The following ROCK2 variants were observed in gnomAD, a reference collection of about 807,000 sequenced individuals.
ROCK2 encodes Rho associated coiled-coil containing protein kinase 2, also known as rho-associated protein kinase 2.
In ROCK2, 61 loss-of-function variants were observed where a neutral mutation model predicts 195.1. The ratio of observed to expected loss-of-function variants is 0.31; its 90% CI spans 0.25 to 0.39. The LOEUF (loss-of-function observed/expected upper bound fraction) is 0.39. Among genes scored for constraint, ROCK2 ranks in the 10% least tolerant of loss-of-function variants. The pLI, the probability that ROCK2 is intolerant of heterozygous loss-of-function variation, is 1.00. For missense variants in ROCK2, 1,109 were observed against 1,637.4 expected (o/e 0.68, Z 5.57); for synonymous variants, 504 against 545.5 (o/e 0.92, Z 1.06).
At chr2:11,336,876 T>C (rs1399551722) in intron 1 of ROCK2, among the ~76,000 whole-genome samples, 2 of 152,134 alleles carry the variant, frequency 1.3e-5, no homozygotes, top group Non-Finnish European at 2.9e-5. Flanking sequence ...CAAAGGAGAA[T>C]ATCTTCACGA....
intron 3 of ROCK2, among the ~76,000 whole-genome samples, chr2:11,279,816 A>G (rs975773494): frequency 6.6e-6 from 1 of 152,260 alleles, no homozygotes; most frequent in Admixed American, 6.5e-5. Flanking sequence ...TCAAATAGAA[A>G]TCATACTGTG....
chr2:11,301,960 C>CA lies in ROCK2; in HGVS notation c.142-14225dup, dbSNP rs374221213. ...AGCTGGGATTACAGGCACCCACCACCACGCCCTGCTTATTTTTGTACTTTT... is the reference window on the plus strand; with the variant it reads ...AGCTGGGATTACAGGCACCCACCACCAACGCCCTGCTTATTTTTGTACTTTT... On this transcript the variant is annotated intron_variant, in intron 1 of 32. Coordinates refer to ENST00000315872, the MANE Select transcript of ROCK2 (RefSeq NM_004850.5). Among the ~76,000 whole-genome samples the CA allele has an allele frequency of 4.2e-3, 624 of 150,028 alleles. 3 individuals are homozygous for CA. The highest frequency in any genetic ancestry group is 0.014 in the African/African-American group (563 of 40,912).
Position 11,193,803 on chromosome 2 carries a change from A to T in ROCK2, c.3663T>A (p.Ala1221=). The change falls in exon 30 of 33, where the codon GCT becomes GCA. Residue 1221 remains alanine, a synonymous_variant. Coordinates refer to ENST00000315872, the MANE Select transcript of ROCK2 (RefSeq NM_004850.5). The stretch of plus-strand genomic sequence containing the variant: ...CCTGGAATATCCTTGGAATTTCTTT[A>T]GCATCTGCTCTATACACATCTGTCT... The part of the protein sequence containing the change: ...VTQTDVYRAD[A]KEIPRIFQIL... The T allele has an allele frequency of 6.3e-7, 1 of 1,595,038 alleles. No homozygotes were observed. The highest frequency in any genetic ancestry group is 1.1e-5 in the South Asian group (1 of 88,050).
chr2:11,251,944 A>C (rs1665843558), intron 3 of ROCK2, among the ~76,000 whole-genome samples: 1 of 152,228 alleles, frequency 6.6e-6, no homozygotes, highest in Admixed American at 6.5e-5. Context: ...GAGAAATGCA[A>C]ATCAAAACCA....
At chr2:11,315,690 A>T (rs974659133) in intron 1 of ROCK2, among the ~76,000 whole-genome samples, 2 of 152,160 alleles carry the variant, frequency 1.3e-5, no homozygotes, top group African/African-American at 4.8e-5. Flanking sequence ...TTCAAAACAT[A>T]GTGAAAAAAC....
chr2:11,196,362 A>C (rs1027194892), intron 27 of ROCK2, among the ~76,000 whole-genome samples: 1 of 152,206 alleles, frequency 6.6e-6, no homozygotes, highest in Non-Finnish European at 1.5e-5. Context: ...TTTCTGTACC[A>C]CCACTCTTGT....
chr2:11,196,851 T>G (rs1663656178), intron 27 of ROCK2, among the ~76,000 whole-genome samples: 1 of 152,104 alleles, frequency 6.6e-6, no homozygotes, highest in Non-Finnish European at 1.5e-5. Context: ...AGTGTGTGAC[T>G]GAGTGATATG....
intron 3 of ROCK2, among the ~76,000 whole-genome samples, chr2:11,253,015 C>CT (rs67439809): frequency 0.77 from 115,578 of 149,746 alleles, 45,450 homozygotes; most frequent in East Asian, 0.94. Flanking sequence ...AGAATCTATA[C>CT]TATTTCTACA....
intron 10 of ROCK2, among the ~76,000 whole-genome samples, 187 bp downstream of exon 10, chr2:11,218,779 A>G (rs1664520098): frequency 6.6e-6 from 1 of 152,232 alleles, no homozygotes; most frequent in Non-Finnish European, 1.5e-5. Flanking sequence ...ACTAGCCATC[A>G]TGTCTTGAAT....
rs775472104 is a variant in ROCK2 at position 11,207,794 on chromosome 2, T to C, written c.2481A>G (p.Leu827=). ...CCATGAGATGGTTATTTTCTTGCTT[T>C]AACTGCTTTTCTGACATTTTTAGTG... The part of the protein sequence containing the change: ...VNTLKMSEKQ[L]KQENNHLMEM... Residue 827 remains leucine, a synonymous_variant, in exon 20 of 33, where the codon TTA becomes TTG. Transcript: ENST00000315872. The C allele has an allele frequency of 1.2e-6, 2 of 1,612,922 alleles. No homozygotes were observed. The highest frequency in any genetic ancestry group is 2.2e-5 in the South Asian group (2 of 90,940).
intron 3 of ROCK2, among the ~76,000 whole-genome samples, chr2:11,282,134 T>G (rs1667026367): frequency 6.6e-6 from 1 of 152,126 alleles, no homozygotes; most frequent in African/African-American, 2.4e-5. Context: ...GTAGATCGCT[T>G]GAGCCCAGGA....
intron 3 of ROCK2, among the ~76,000 whole-genome samples, chr2:11,271,218 T>C (rs1234802525): frequency 6.6e-6 from 1 of 152,214 alleles, no homozygotes; most frequent in Non-Finnish European, 1.5e-5. Context: ...TTCAAAATGT[T>C]CCTTTCCCTT....
intron 3 of ROCK2, among the ~76,000 whole-genome samples, chr2:11,283,599 G>GAAAGAAAGAAAAC (rs1667091708): frequency 2.3e-5 from 2 of 87,512 alleles, no homozygotes; most frequent in South Asian, 8.9e-4. Context: ...AGAAAGAAAA[G>GAAAGAAAGAAAAC]AAAAAAAGGA....
In ROCK2 at chr2:11,344,453, GAGC is replaced by G; in HGVS notation, c.-320_-318del. On this transcript the variant is annotated 5_prime_UTR_variant, in exon 1 of 33. Transcript: ENST00000315872. The surrounding 1 kb of genome is among the most constrained non-coding windows in gnomAD (Gnocchi z 5.4). ...AGTGCCCGCAGGAGTCCTCGGGCGG[GAGC>G]AGGGAAGTGGCGCCGCCACCGCCGC... 2 of 1,023,002 alleles carry G rather than the reference GAGC, an allele frequency of 2.0e-6. No homozygotes were observed. Among genetic ancestry groups the G allele is most frequent in the Admixed American group, 5.8e-5 (1 of 17,198 alleles). 63.4% of individuals were successfully genotyped at this position (1,023,002 alleles called of 1,614,324 possible).
chr2:11,208,062 T>C (rs1355752122), intron 19 of ROCK2, 152 bp from the exon 20 acceptor site: 2 of 440,542 alleles, frequency 4.5e-6, no homozygotes, highest in African/African-American at 2.0e-5. Context: ...GTATTTCTAA[T>C]AATATTATAA....
chr2:11,251,025 G>A (rs1251033983), intron 3 of ROCK2, among the ~76,000 whole-genome samples: 1 of 152,074 alleles, frequency 6.6e-6, no homozygotes, highest in Non-Finnish European at 1.5e-5. Flanking sequence ...CCTTCTCAAT[G>A]AGGTCTACTC....
At chr2:11,297,530 C>T (rs1667573549) in intron 1 of ROCK2, among the ~76,000 whole-genome samples, 1 of 152,096 alleles carries the variant, frequency 6.6e-6, no homozygotes, top group South Asian at 2.1e-4. Context: ...CTATTCGCCG[C>T]CTCCTATAAG....
intron 1 of ROCK2, among the ~76,000 whole-genome samples, chr2:11,335,678 G>A (rs1308136419): frequency 6.6e-6 from 1 of 152,090 alleles, no homozygotes; most frequent in African/African-American, 2.4e-5. Context: ...ATAAAGAGAT[G>A]TAAACAGAAA....
Position 11,181,636 on chromosome 2 carries a change from T to TA in ROCK2, c.*1800_*1801insT, listed in dbSNP as rs1424637790. On this transcript the variant is annotated 3_prime_UTR_variant, in exon 33 of 33. Transcript: ENST00000315872. ...TTCATCGAAATATTAGATGACTTTTTTTTTTTTTTTTTTTTGAGACGGAGT... is the reference window on the plus strand; with the variant it reads ...TTCATCGAAATATTAGATGACTTTTTATTTTTTTTTTTTTTTGAGACGGAGT... The TA allele has an allele frequency of 8.0e-5, 12 of 149,642 alleles. No homozygotes were observed. The highest frequency in any genetic ancestry group is 8.0e-4 in the Admixed American group (12 of 15,038). 9.3% of individuals were successfully genotyped at this position (149,642 alleles called of 1,614,324 possible). A position where few individuals can be genotyped will look rare whatever the true frequency, so the allele number is the denominator to read the frequency against.
Sources: gnomAD v4.1 joint callset for allele counts (sites outside exome capture counted in the v4.1 genomes callset) on GRCh38, gnomAD v4.1.1 for gene constraint, Gnocchi (gnomAD v3.1) non-coding constraint, MANE v1.5 for transcripts, NCBI Gene and HGNC (gene_info 2026-07-23, HGNC 2026-07-21) for gene names.